The following TBC1D5 variants were observed in gnomAD, a reference collection of about 807,000 sequenced individuals.
TBC1D5 encodes TBC1 domain family member 5.
TBC1D5 carries 75 observed loss-of-function variants against 100.3 expected under a neutral mutation model. The ratio of observed to expected loss-of-function variants is 0.75; its 90% CI spans 0.62 to 0.91. The LOEUF is 0.91. Ranked by LOEUF, TBC1D5 falls within the 40% of genes least tolerant of loss-of-function variation. TBC1D5 has a pLI of 0.00. For synonymous variants in TBC1D5, 323 were observed against 325.6 expected (o/e 0.99, Z 0.09); for missense variants, 910 against 942.4 (o/e 0.97, Z 0.45).
In TBC1D5 at chr3:17,499,496, C is replaced by T. The variant is rs552608891; in HGVS notation, c.97+8978G>A. 9.7e-4 allele frequency among the ~76,000 whole-genome samples: 139 copies of T among 143,584 alleles called. 21 individuals carry two copies. The highest frequency in any genetic ancestry group is 3.8e-3 in the African/African-American group (135 of 35,494). The allele number at this position is 143,584 out of a possible 152,430, so 94.2% of individuals were successfully genotyped here. A position where few individuals can be genotyped will look rare whatever the true frequency, so the allele number is the denominator to read the frequency against. On this transcript the variant is annotated intron_variant, in intron 3 of 21. Transcript: ENST00000253692. ...GCCCATGTGGGCGGATCACTTGAGA[C>T]CAGCCTGGGCAACATGGAAAGACCC...
intron 1 of TBC1D5, among the ~76,000 whole-genome samples, chr3:17,650,863 A>C (rs2065480746): frequency 6.6e-6 from 1 of 152,184 alleles, no homozygotes; most frequent in Admixed American, 6.6e-5. Flanking sequence ...ATCCCTTTTC[A>C]ACTTCATTTA....
intron 1 of TBC1D5, among the ~76,000 whole-genome samples, chr3:17,707,121 G>C (rs1409303650): frequency 6.6e-6 from 1 of 151,782 alleles, no homozygotes; most frequent in Admixed American, 6.6e-5. Flanking sequence ...TATTTAATTT[G>C]AGATAAATTC....
intron 4 of TBC1D5, among the ~76,000 whole-genome samples, chr3:17,424,950 T>C (rs1476107115): frequency 2.6e-5 from 4 of 152,224 alleles, no homozygotes; most frequent in Non-Finnish European, 5.9e-5. Context: ...TATTCCAAGG[T>C]AACCTGAAAT....
intron 1 of TBC1D5, among the ~76,000 whole-genome samples, chr3:17,693,761 A>T (rs2071549133): frequency 6.6e-6 from 1 of 152,220 alleles, no homozygotes; most frequent in Non-Finnish European, 1.5e-5. Context: ...AGCTCTGAGA[A>T]TGGATGGACT....
intron 16 of TBC1D5, among the ~76,000 whole-genome samples, chr3:17,252,507 G>T (rs1574964694): frequency 6.6e-6 from 1 of 152,264 alleles, no homozygotes; most frequent in Non-Finnish European, 1.5e-5. Context: ...AGGAAGCCAG[G>T]ATCTAGGAAA....
intron 4 of TBC1D5, among the ~76,000 whole-genome samples, chr3:17,417,464 T>C (rs909687336): frequency 6.6e-6 from 1 of 151,516 alleles, no homozygotes; most frequent in East Asian, 1.9e-4. Flanking sequence ...TTCTTGCGAA[T>C]AGTTTACTGA....
intron 13 of TBC1D5, among the ~76,000 whole-genome samples, chr3:17,360,512 T>C (rs994700360): frequency 1.3e-5 from 2 of 151,970 alleles, no homozygotes; most frequent in Non-Finnish European, 2.9e-5. Flanking sequence ...GAAGGTATGT[T>C]CTATCATGAA....
chr3:17,568,212 T>G (rs542578143), intron 2 of TBC1D5, among the ~76,000 whole-genome samples: 2 of 151,476 alleles, frequency 1.3e-5, no homozygotes, highest in Non-Finnish European at 3.0e-5. Context: ...AAAATATATA[T>G]ATATTTTCAC....
At chr3:17,436,509 G>A (rs1054086138) in intron 3 of TBC1D5, among the ~76,000 whole-genome samples, 2 of 151,982 alleles carry the variant, frequency 1.3e-5, no homozygotes, top group Non-Finnish European at 2.9e-5. Context: ...TCAATTAAAG[G>A]AGCATTATTT....
intron 1 of TBC1D5, among the ~76,000 whole-genome samples, chr3:17,738,276 T>C (rs980444059): frequency 6.6e-6 from 1 of 152,176 alleles, no homozygotes; most frequent in East Asian, 1.9e-4. Flanking sequence ...TCCAAAAATA[T>C]AGTCAGTCTT....
chr3:17,723,737 T>C (rs890020404), intron 1 of TBC1D5, among the ~76,000 whole-genome samples: 7 of 152,146 alleles, frequency 4.6e-5, no homozygotes, highest in Non-Finnish European at 1.0e-4. Context: ...TACATGTAGA[T>C]ACCAGTCTAT....
At position 17,378,706 on chromosome 3, in the gene TBC1D5, A is replaced by G. The variant is rs1033038926; in HGVS notation, c.613-2093T>C. On this transcript the variant is annotated intron_variant, in intron 9 of 21. Transcript: ENST00000253692. ...CAATAAATCATTCTTCATGGTTTCT[A>G]TTTTGCTTTCATGCCTATAAAGACC... Among the ~76,000 whole-genome samples, 5 of 149,742 alleles carry G rather than the reference A, an allele frequency of 3.3e-5. No homozygotes were observed. In the South Asian group the frequency reaches 1.1e-3, roughly 32 times the overall value.
At chr3:17,627,162 T>A (rs929340465) in intron 1 of TBC1D5, among the ~76,000 whole-genome samples, 26 of 152,008 alleles carry the variant, frequency 1.7e-4, no homozygotes, top group African/African-American at 6.0e-4. Flanking sequence ...TAATGAGATA[T>A]AATGGGTAAG....
At chr3:17,332,448 G>A (rs1046387669) in intron 13 of TBC1D5, among the ~76,000 whole-genome samples, 2 of 152,140 alleles carry the variant, frequency 1.3e-5, no homozygotes, top group African/African-American at 4.8e-5. Context: ...AGTTGGATAT[G>A]TGACTTTAGA....
chr3:17,705,434 G>A (rs1295542414), intron 1 of TBC1D5, among the ~76,000 whole-genome samples: 1 of 146,304 alleles, frequency 6.8e-6, no homozygotes, highest in Non-Finnish European at 1.5e-5. Context: ...GGGCGGAGAG[G>A]CTCCTCACTT....
intron 14 of TBC1D5, among the ~76,000 whole-genome samples, chr3:17,298,264 G>A (rs2082465780): frequency 6.6e-6 from 1 of 151,952 alleles, no homozygotes; most frequent in African/African-American, 2.4e-5. Context: ...TTTTTTTTGT[G>A]TTGGACTGTA....
chr3:17,621,126 CAA>C (rs375035685), intron 2 of TBC1D5, among the ~76,000 whole-genome samples: 2 of 151,918 alleles, frequency 1.3e-5, no homozygotes, highest in African/African-American at 4.8e-5. Context: ...GAGAAGCAAG[CAA>C]GCAAGAAACC....
chr3:17,223,048 G>T (rs566286299), intron 17 of TBC1D5, among the ~76,000 whole-genome samples: 3 of 152,014 alleles, frequency 2.0e-5, no homozygotes, highest in South Asian at 4.2e-4. Context: ...TTCTGAAGGG[G>T]GGAAGGCATT....
chr3:17,274,065 CAG>C (rs1362750226), intron 15 of TBC1D5, among the ~76,000 whole-genome samples: 1 of 143,600 alleles, frequency 7.0e-6, no homozygotes, highest in Non-Finnish European at 1.5e-5. Flanking sequence ...AAGAAGGAAA[CAG>C]AATGCTCATA....
Sources: gnomAD v4.1 joint callset for allele counts (sites outside exome capture counted in the v4.1 genomes callset) on GRCh38, gnomAD v4.1.1 for gene constraint, MANE v1.5 for transcripts, NCBI Gene and HGNC (gene_info 2026-07-23, HGNC 2026-07-21) for gene names.